ZFPM2: variants seen among roughly 807,000 people sequenced by gnomAD.
ZFPM2 encodes zinc finger protein, FOG family member 2.
A neutral mutation model predicts 98.6 loss-of-function variants in ZFPM2; 20 were observed. The ratio of observed to expected loss-of-function variants is 0.20; its 90% CI spans 0.14 to 0.29. ZFPM2 has a LOEUF of 0.29. Among genes scored for constraint, ZFPM2 ranks in the 10% least tolerant of loss-of-function variants. The probability of loss-of-function intolerance (pLI) is 1.00; values close to 1 mark genes in which losing one functional copy is unlikely to be tolerated. For synonymous variants in ZFPM2, 518 were observed against 502.7 expected (o/e 1.03, Z -0.41); for missense variants, 1,310 against 1,388.6 (o/e 0.94, Z 0.90).
At chr8:105,779,677 G>T (rs1417422376) in intron 5 of ZFPM2, among the ~76,000 whole-genome samples, 2 of 152,152 alleles carry the variant, frequency 1.3e-5, no homozygotes, top group Non-Finnish European at 2.9e-5. Flanking sequence ...GACAAGTAGG[G>T]AGTATTTTTG....
Position 105,791,825 on chromosome 8 carries a change from G to T in ZFPM2, c.739+2901G>T, listed in dbSNP as rs538637702. On this transcript the variant is annotated intron_variant, in intron 6 of 7. Coordinates refer to ENST00000407775, the MANE Select transcript of ZFPM2 (RefSeq NM_012082.4). ...CTTCCTGGTTTAGTCTTGGGAGAGT[G>T]TATGTGTCGAGGAATTTATCCATTT... Among the ~76,000 whole-genome samples, 331 of 152,242 alleles carry T rather than the reference G, an allele frequency of 2.2e-3. 1 individual carries two copies. Among genetic ancestry groups the T allele is most frequent in the African/African-American group, 7.3e-3 (302 of 41,544 alleles).
Position 105,803,078 on chromosome 8 carries a change from T to C in ZFPM2, c.2996T>C (p.Ile999Thr), listed in dbSNP as rs1465489561. ...PSDYISGSLVIHNTDIEQSRN... is the reference protein window; with the variant it reads ...PSDYISGSLVTHNTDIEQSRN... ...GATTATATTTCTGGTTCTCTTGTCA[T>C]CCATAACACTGACATCGAGCAAAGC... The change falls in exon 8 of 8, where the codon ATC becomes ACC. Residue 999 changes from isoleucine (I) to threonine (T), a missense_variant. Transcript: ENST00000407775. The C allele has an allele frequency of 6.2e-7, 1 of 1,613,860 alleles. No individual in the cohort carries two copies. The highest frequency in any genetic ancestry group is 2.2e-5 in the East Asian group (1 of 44,858).
intron 3 of ZFPM2, among the ~76,000 whole-genome samples, chr8:105,520,383 T>A (rs747762159): frequency 1.8e-3 from 269 of 152,118 alleles, no homozygotes; most frequent in Non-Finnish European, 3.1e-3. Context: ...GCATGTCAAT[T>A]ACTTACTAAT....
chr8:105,460,884 GAAAT>G (rs1437304505), intron 3 of ZFPM2, among the ~76,000 whole-genome samples: 9 of 151,562 alleles, frequency 5.9e-5, no homozygotes, highest in East Asian at 1.9e-4. Flanking sequence ...ATTAAATTTT[GAAAT>G]AAATATGAGA....
chr8:105,641,096 A>T (rs1816941071), intron 5 of ZFPM2, among the ~76,000 whole-genome samples: 2 of 152,204 alleles, frequency 1.3e-5, no homozygotes, highest in South Asian at 4.1e-4. Flanking sequence ...TATCAGGAAT[A>T]CAGTGGAATT....
intron 3 of ZFPM2, among the ~76,000 whole-genome samples, chr8:105,447,977 A>G (rs1483431906): frequency 2.6e-5 from 4 of 152,104 alleles, no homozygotes; most frequent in African/African-American, 9.6e-5. Flanking sequence ...AACCTAAACA[A>G]TCTTTAAGAA....
chr8:105,539,382 G>A (rs566524076), intron 3 of ZFPM2, among the ~76,000 whole-genome samples: 1 of 152,222 alleles, frequency 6.6e-6, no homozygotes, highest in South Asian at 2.1e-4. Flanking sequence ...TAGACATATC[G>A]GGTCCATCTA....
chr8:105,513,174 C>T (rs576740241), intron 3 of ZFPM2, among the ~76,000 whole-genome samples: 1 of 152,226 alleles, frequency 6.6e-6, no homozygotes, highest in African/African-American at 2.4e-5. Context: ...TTAGAAATAG[C>T]ATGAGTCAAA....
At chr8:105,442,177 C>CAA (rs34122458) in intron 2 of ZFPM2, among the ~76,000 whole-genome samples, 1,877 of 131,346 alleles carry the variant, frequency 0.014, 26 homozygotes, top group African/African-American at 0.04. Flanking sequence ...ACTAAAAATA[C>CAA]AAAAAAAAAA....
intron 3 of ZFPM2, among the ~76,000 whole-genome samples, chr8:105,487,267 A>C (rs974783007): frequency 2.6e-5 from 4 of 152,016 alleles, no homozygotes; most frequent in Non-Finnish European, 5.9e-5. Flanking sequence ...ACAGGTGTGC[A>C]CCACCATGCC....
intron 1 of ZFPM2, among the ~76,000 whole-genome samples, chr8:105,401,415 C>A (rs1419979461): frequency 6.6e-6 from 1 of 151,898 alleles, no homozygotes; most frequent in South Asian, 2.1e-4. Context: ...CTTTAAATTG[C>A]GTGTACTTGT....
At chr8:105,510,655 G>A (rs771338145) in intron 3 of ZFPM2, among the ~76,000 whole-genome samples, 10 of 152,122 alleles carry the variant, frequency 6.6e-5, no homozygotes, top group Non-Finnish European at 1.5e-4. Flanking sequence ...TGATTCTTGT[G>A]GAGAGGTTGC....
intron 3 of ZFPM2, among the ~76,000 whole-genome samples, chr8:105,503,970 T>A (rs1586421379): frequency 6.6e-6 from 1 of 152,134 alleles, no homozygotes; most frequent in African/African-American, 2.4e-5. Flanking sequence ...TTGAACCCCA[T>A]GATTTCATGA....
intron 5 of ZFPM2, among the ~76,000 whole-genome samples, chr8:105,730,993 A>C (rs1811921686): frequency 6.6e-6 from 1 of 151,684 alleles, no homozygotes; most frequent in East Asian, 2.0e-4. Context: ...AATACTTCTC[A>C]GTTCAACACT....
intron 1 of ZFPM2, among the ~76,000 whole-genome samples, chr8:105,380,938 T>TATATAATATATATCATATA (rs1563631499): frequency 2.8e-5 from 1 of 35,496 alleles, no homozygotes; most frequent in African/African-American, 6.8e-5. Flanking sequence ...AATATATATA[T>TATATAATATATATCATATA]TATTATACTT....
At chr8:105,620,264 G>A (rs193296020) in intron 4 of ZFPM2, among the ~76,000 whole-genome samples, 12 of 152,222 alleles carry the variant, frequency 7.9e-5, no homozygotes, top group Admixed American at 7.8e-4. Context: ...GTTTTGATTT[G>A]CGTTTCTCTG....
chr8:105,492,525 A>T (rs539135634), intron 3 of ZFPM2, among the ~76,000 whole-genome samples: 34 of 152,282 alleles, frequency 2.2e-4, no homozygotes, highest in Admixed American at 7.2e-4. Flanking sequence ...ATGACAAATG[A>T]GGGAAAATTG....
At position 105,414,606 on chromosome 8, in the gene ZFPM2, C is replaced by CT. The variant is rs1021759410; in HGVS notation, c.41-4528dup. ...TGCCTATATGTTTTCGCATCCCCCC[C>CT]TTTTTTTTTTCTGAAATTTTCTTTG... On this transcript the variant is annotated intron_variant, in intron 1 of 7. Transcript: ENST00000407775. Among the ~76,000 whole-genome samples, 266 of 148,084 alleles carry CT rather than the reference C, an allele frequency of 1.8e-3. 2 individuals carry two copies. The highest frequency in any genetic ancestry group is 2.7e-3 in the Non-Finnish European group (177 of 66,668).
intron 5 of ZFPM2, among the ~76,000 whole-genome samples, chr8:105,775,801 G>A (rs1403574060): frequency 1.3e-5 from 2 of 152,146 alleles, no homozygotes; most frequent in African/African-American, 4.8e-5. Flanking sequence ...GAATGCTGAT[G>A]AGACTTCATG....
Sources: allele counts gnomAD v4.1 joint callset (sites outside exome capture counted in the v4.1 genomes callset), GRCh38; gene constraint gnomAD v4.1.1; transcripts MANE v1.5; gene names NCBI Gene and HGNC (gene_info 2026-07-23, HGNC 2026-07-21).